ADAMTS17: variants seen among roughly 807,000 people sequenced by gnomAD.
ADAMTS17 encodes the protein ADAM metallopeptidase with thrombospondin type 1 motif 17.
Under a neutral mutation model 141.5 loss-of-function variants are expected in ADAMTS17, and 113 were observed. That is an observed-to-expected ratio of 0.80 (90% CI 0.69 to 0.93). The LOEUF (loss-of-function observed/expected upper bound fraction) is 0.93, where lower values mean the gene tolerates loss of function less well. Ranked by LOEUF, ADAMTS17 falls within the 40% of genes least tolerant of loss-of-function variation. The probability of loss-of-function intolerance (pLI) is 0.00; values close to 1 mark genes in which losing one functional copy is unlikely to be tolerated. For synonymous variants in ADAMTS17, 768 were observed against 630.6 expected (o/e 1.22, Z -3.27); for missense variants, 1,659 against 1,517.9 (o/e 1.09, Z -1.54).
At chr15:100,148,012 C>T (rs768931374) in intron 10 of ADAMTS17, among the ~76,000 whole-genome samples, 6 of 152,208 alleles carry the variant, frequency 3.9e-5, no homozygotes, top group South Asian at 2.1e-4. Context: ...TGCATCACTC[C>T]GACTTCATGC....
intron 18 of ADAMTS17, among the ~76,000 whole-genome samples, chr15:100,007,208 A>C (rs1330726891): frequency 6.6e-6 from 1 of 152,250 alleles, no homozygotes; most frequent in Non-Finnish European, 1.5e-5. Flanking sequence ...GGGGCTCAGC[A>C]TTCAGACGGA....
In ADAMTS17 at chr15:100,341,878, G is replaced by A. The variant is rs770794109; in HGVS notation, c.22C>T (p.Pro8Ser). The A allele has an allele frequency of 6.1e-5, 94 of 1,551,864 alleles. No individual in the cohort carries two copies. In the South Asian group the frequency reaches 8.6e-4, roughly 14 times the overall value. The part of the protein sequence containing the change: MCDGALL[P>S]PLVLPVLLLL... ...AGCAGCACGGGCAGGACGAGCGGAG[G>A]CAGCAGGGCGCCGTCACACATGGTA... is the stretch of plus-strand genomic sequence containing the variant. Residue 8 changes from proline (P) to serine (S), a missense_variant, in exon 1 of 22, where the codon CCT (proline) becomes TCT (serine). Pro to Ser is a moderately conservative substitution (Grantham distance 74). Transcript: ENST00000268070.
chr15:100,295,444 CATACAGGACAACT>C (rs1204182128), intron 3 of ADAMTS17, among the ~76,000 whole-genome samples: 1 of 152,108 alleles, frequency 6.6e-6, no homozygotes, highest in Non-Finnish European at 1.5e-5. Flanking sequence ...TAGGGACAAC[CATACAGGACAACT>C]ATGGTTCCAG....
intron 7 of ADAMTS17, among the ~76,000 whole-genome samples, chr15:100,215,780 G>A (rs77910468): frequency 3.3e-5 from 5 of 151,906 alleles, no homozygotes; most frequent in African/African-American, 1.2e-4. Flanking sequence ...TCTCCCGCTC[G>A]AAGACACAAG....
At chr15:99,989,193 C>T (rs1484872420) in intron 20 of ADAMTS17, among the ~76,000 whole-genome samples, 7 of 152,330 alleles carry the variant, frequency 4.6e-5, no homozygotes, top group African/African-American at 1.4e-4. Flanking sequence ...GTTCCCTCTT[C>T]TGTGCAGCAG....
intron 7 of ADAMTS17, among the ~76,000 whole-genome samples, chr15:100,233,283 T>C (rs967727266): frequency 2.6e-5 from 4 of 151,148 alleles, no homozygotes; most frequent in African/African-American, 7.4e-5. Flanking sequence ...TGAGCCAAGA[T>C]TGCGCTATGG....
intron 3 of ADAMTS17, among the ~76,000 whole-genome samples, chr15:100,327,388 C>T (rs1373190131): frequency 6.6e-6 from 1 of 152,170 alleles, no homozygotes; most frequent in East Asian, 1.9e-4. Context: ...ATAAAGTAGA[C>T]ATCAGTGCTT....
At chr15:100,337,666 T>G (rs753495309) in intron 2 of ADAMTS17, among the ~76,000 whole-genome samples, 6 of 152,344 alleles carry the variant, frequency 3.9e-5, no homozygotes, top group Non-Finnish European at 7.3e-5. Context: ...TTCCCAAGCT[T>G]TGTGAGTATC....
intron 12 of ADAMTS17, 149 bp downstream of exon 12, chr15:100,131,858 C>G (rs2038061576): frequency 2.6e-6 from 3 of 1,174,498 alleles, no homozygotes; most frequent in South Asian, 2.9e-5. Flanking sequence ...CACACGAGGT[C>G]CCTGCACCCT....
intron 10 of ADAMTS17, among the ~76,000 whole-genome samples, chr15:100,140,399 AC>A (rs1196492360): frequency 6.6e-6 from 1 of 151,814 alleles, no homozygotes; most frequent in Non-Finnish European, 1.5e-5. Flanking sequence ...AAAAAATAAC[AC>A]AATTTTTTAA....
At chr15:100,220,038 C>G (rs2042084528) in intron 7 of ADAMTS17, among the ~76,000 whole-genome samples, 1 of 152,176 alleles carries the variant, frequency 6.6e-6, no homozygotes, top group African/African-American at 2.4e-5. Flanking sequence ...ATCCTAGGCT[C>G]ATGTCTATTC....
intron 14 of ADAMTS17, among the ~76,000 whole-genome samples, chr15:100,101,600 A>G (rs2141048587): frequency 6.6e-6 from 1 of 152,152 alleles, no homozygotes; most frequent in East Asian, 1.9e-4. Flanking sequence ...TGTGTCTGAG[A>G]ATTCTTTGTA....
At position 100,048,891 on chromosome 15, in the gene ADAMTS17, C is replaced by A; in HGVS notation, c.2557G>T (p.Val853Phe). 6.2e-7 allele frequency: 1 copy of A among 1,614,174 alleles called. No individual in the cohort carries two copies. The highest frequency in any genetic ancestry group is 8.5e-7 in the Non-Finnish European group (1 of 1,180,032). Residue 853 changes from valine to phenylalanine, a missense_variant, in exon 18 of 22, where the codon GTC (valine) becomes TTC (phenylalanine). Transcript: ENST00000268070. ...CPQASRPEPQ[V>F]RRCNLHPCQS... ...CAGGGGTGCAAGTTGCACCTTCGGA[C>A]CTGGGGCTCTGGGCGGCTTGCTTGA...
intron 2 of ADAMTS17, 113 bp downstream of exon 2, chr15:100,340,926 G>A: frequency 6.8e-7 from 1 of 1,462,852 alleles, no homozygotes; most frequent in Non-Finnish European, 9.2e-7. Context: ...GTTCCCTCCG[G>A]TTCCCCTGGA....
At chr15:100,182,495 GCA>G (rs1392873389) in intron 8 of ADAMTS17, among the ~76,000 whole-genome samples, 4 of 152,182 alleles carry the variant, frequency 2.6e-5, no homozygotes, top group African/African-American at 9.7e-5. Context: ...CCTCCGCCAA[GCA>G]CAGAGATTAC....
At chr15:99,995,894 A>T (rs2141340776) in intron 19 of ADAMTS17, among the ~76,000 whole-genome samples, 1 of 152,342 alleles carries the variant, frequency 6.6e-6, no homozygotes, top group Non-Finnish European at 1.5e-5. Flanking sequence ...GATTAGGATT[A>T]GGTATGCACA....
chr15:100,216,034 G>C (rs2041958555), intron 7 of ADAMTS17, among the ~76,000 whole-genome samples: 1 of 152,202 alleles, frequency 6.6e-6, no homozygotes, highest in Admixed American at 6.5e-5. Flanking sequence ...AGTCTGAGCG[G>C]GGTGAGAAGG....
chr15:100,212,130 CTAT>C (rs2041828730), intron 7 of ADAMTS17, among the ~76,000 whole-genome samples: 1 of 152,192 alleles, frequency 6.6e-6, no homozygotes, highest in African/African-American at 2.4e-5. Flanking sequence ...CGAAGGGATA[CTAT>C]TATCATCCTC....
intron 4 of ADAMTS17, among the ~76,000 whole-genome samples, chr15:100,269,276 T>C (rs2043822181): frequency 1.3e-5 from 2 of 152,220 alleles, no homozygotes; most frequent in African/African-American, 4.8e-5. Context: ...AATTGACAAG[T>C]GAGATCTATT....
Sources: allele counts gnomAD v4.1 joint callset (sites outside exome capture counted in the v4.1 genomes callset), GRCh38; gene constraint gnomAD v4.1.1; transcripts MANE v1.5; gene names NCBI Gene and HGNC (gene_info 2026-07-23, HGNC 2026-07-21).